The following CHIC1 variants were observed in gnomAD, a reference collection of about 807,000 sequenced individuals.
The protein encoded by CHIC1 is cysteine rich hydrophobic domain 1.
In CHIC1, 7 loss-of-function variants were observed where a neutral mutation model predicts 18.5. The ratio of observed to expected loss-of-function variants is 0.38; its 90% confidence interval spans 0.22 to 0.71. The LOEUF is 0.71. Among genes scored for constraint, CHIC1 ranks in the 30% least tolerant of loss-of-function variants. CHIC1 has a pLI of 0.49. For synonymous variants in CHIC1, 77 were observed against 73.5 expected, an observed-to-expected ratio of 1.05 and a Z score of -0.25; for missense variants, 159 against 176.9, an observed-to-expected ratio of 0.90 and a Z score of 0.57.
At chrX:73,600,043 C>T (rs2147564813) in intron 3 of CHIC1, among the ~76,000 whole-genome samples, 1 of 102,387 alleles carries the variant, frequency 9.8e-6, no homozygotes, top group Admixed American at 1.0e-4. Flanking sequence ...TGAAGAGGTC[C>T]TTCACATCCC....
In CHIC1 at chrX:73,650,701, CAAA is replaced by C. The variant is rs139432536; in HGVS notation, c.508-28609_508-28607del. 4.6e-4 allele frequency among the ~76,000 whole-genome samples: 30 copies of C among 64,768 alleles called. 1 individual carries two copies. The highest frequency in any genetic ancestry group is 2.6e-3 in the South Asian group (3 of 1,151). The allele number at this position is 64,768 out of a possible 115,157, so 56.2% of individuals were successfully genotyped here. ...AGGCAGTAATTAATAGCCTACCAACCAAAAAAAAAAAAAAAAAAGCCCAGAAGC... is the reference window on the plus strand; with the variant it reads ...AGGCAGTAATTAATAGCCTACCAACCAAAAAAAAAAAAAAAGCCCAGAAGC... On this transcript the variant is annotated intron_variant, in intron 3 of 5. Coordinates refer to ENST00000373502, the MANE Select transcript of CHIC1 (RefSeq NM_001039840.4).
intron 1 of CHIC1, among the ~76,000 whole-genome samples, chrX:73,570,813 GTA>G (rs1037030653): frequency 9.0e-6 from 1 of 110,975 alleles, no homozygotes; most frequent in African/African-American, 3.3e-5. Flanking sequence ...TTTGGAAGAA[GTA>G]TAGAGTCTAA....
intron 3 of CHIC1, among the ~76,000 whole-genome samples, chrX:73,673,731 A>G (rs1436433971): frequency 9.0e-6 from 1 of 111,516 alleles, no homozygotes; most frequent in Non-Finnish European, 1.9e-5. Context: ...CTAATTGAAT[A>G]CCCTTTATTT....
At chrX:73,655,494 G>GTA (rs201990322) in intron 3 of CHIC1, among the ~76,000 whole-genome samples, 7 of 54,229 alleles carry the variant, frequency 1.3e-4, no homozygotes, top group Admixed American at 2.0e-4. Context: ...ACAATATTGT[G>GTA]TATATATATA....
At chrX:73,673,808 G>T (rs1007867374) in intron 3 of CHIC1, among the ~76,000 whole-genome samples, 4 of 111,648 alleles carry the variant, frequency 3.6e-5, no homozygotes, top group African/African-American at 9.8e-5. Flanking sequence ...AGTGAGAGAG[G>T]GCATCCCTGT....
chrX:73,664,479 C>T (rs1025933720), intron 3 of CHIC1, among the ~76,000 whole-genome samples: 10 of 110,765 alleles, frequency 9.0e-5, no homozygotes, highest in Non-Finnish European at 1.7e-4. Flanking sequence ...GCTGCCTTTC[C>T]TCTGATTGCC....
At chrX:73,640,598 G>A (rs1230764981) in intron 3 of CHIC1, among the ~76,000 whole-genome samples, 1 of 111,578 alleles carries the variant, frequency 9.0e-6, no homozygotes, top group African/African-American at 3.3e-5. Context: ...AGTGTGTGTA[G>A]GAATTTGTCC....
At chrX:73,585,074 G>T (rs916116860) in intron 3 of CHIC1, among the ~76,000 whole-genome samples, 1 of 111,508 alleles carries the variant, frequency 9.0e-6, no homozygotes, top group Non-Finnish European at 1.9e-5. Context: ...TTTCACATTA[G>T]TTTTTGTAAA....
chrX:73,627,292 T>C (rs2057788232), intron 3 of CHIC1, among the ~76,000 whole-genome samples: 1 of 112,585 alleles, frequency 8.9e-6, no homozygotes, highest in Non-Finnish European at 1.9e-5. Context: ...GCCCAAGGCC[T>C]TCTGTAACCA....
intron 4 of CHIC1, 45 bp from the exon 5 acceptor site, chrX:73,679,609 G>C (rs771427603): frequency 3.5e-5 from 30 of 862,751 alleles, no homozygotes; most frequent in Non-Finnish European, 4.8e-5. Flanking sequence ...GTTGTAATTA[G>C]TTTAAGTTAA....
In CHIC1 at chrX:73,661,885, G is replaced by A. The variant is rs933282124; in HGVS notation, c.508-17441G>A. Among the ~76,000 whole-genome samples, 9 of 110,234 alleles carry A rather than the reference G, an allele frequency of 8.2e-5. No individual in the cohort carries two copies. In the South Asian group the frequency reaches 1.2e-3, roughly 14 times the overall value. On this transcript the variant is annotated intron_variant, in intron 3 of 5. Coordinates refer to ENST00000373502, the MANE Select transcript of CHIC1 (RefSeq NM_001039840.4). ...AGTCATTCGTAAACAGTGTTAAAGC[G>A]TTAGGTATGGGGGAGTGAAATATTT...
At chrX:73,625,558 C>T (rs965053195) in intron 3 of CHIC1, among the ~76,000 whole-genome samples, 1 of 111,282 alleles carries the variant, frequency 9.0e-6, no homozygotes, top group African/African-American at 3.3e-5. Context: ...TCAAGTTTTC[C>T]CCTTTAGGGA....
intron 3 of CHIC1, among the ~76,000 whole-genome samples, chrX:73,678,309 G>C (rs759130952): frequency 3.9e-4 from 44 of 112,585 alleles, no homozygotes; most frequent in African/African-American, 1.4e-3. Context: ...CCCCTAGATA[G>C]TGCATGTGGG....
At chrX:73,615,363 G>T (rs1003052590) in intron 3 of CHIC1, among the ~76,000 whole-genome samples, 1 of 111,727 alleles carries the variant, frequency 9.0e-6, no homozygotes, top group Non-Finnish European at 1.9e-5. Flanking sequence ...TTACAGTGGT[G>T]GGCCGGTTGG....
intron 1 of CHIC1, among the ~76,000 whole-genome samples, chrX:73,575,181 T>C (rs769228429): frequency 9.0e-6 from 1 of 110,605 alleles, no homozygotes; most frequent in East Asian, 2.8e-4. Context: ...TAATATAGGA[T>C]AAAATAAGGA....
intron 3 of CHIC1, among the ~76,000 whole-genome samples, chrX:73,671,799 T>C (rs1399512274): frequency 9.1e-6 from 1 of 110,391 alleles, no homozygotes; most frequent in African/African-American, 3.3e-5. Context: ...CTTTAAGTTT[T>C]ATGGTACATG....
chrX:73,668,436 G>A (rs1276286501), intron 3 of CHIC1, among the ~76,000 whole-genome samples: 1 of 111,893 alleles, frequency 8.9e-6, no homozygotes, highest in Non-Finnish European at 1.9e-5. Context: ...GAGGAACAGG[G>A]GCACTCTGGA....
chrX:73,571,997 G>C (rs1490950343), intron 1 of CHIC1, among the ~76,000 whole-genome samples: 1 of 110,009 alleles, frequency 9.1e-6, no homozygotes, highest in East Asian at 2.9e-4. Context: ...TACATGCGCA[G>C]TTTTATTACA....
intron 3 of CHIC1, among the ~76,000 whole-genome samples, chrX:73,626,183 C>T (rs1229552677): frequency 9.0e-6 from 1 of 111,699 alleles, no homozygotes; most frequent in Non-Finnish European, 1.9e-5. Flanking sequence ...GCCAGAGCTC[C>T]ATTGTATGTT....
Sources: allele counts gnomAD v4.1 joint callset (sites outside exome capture counted in the v4.1 genomes callset), GRCh38; gene constraint gnomAD v4.1.1; transcripts MANE v1.5; gene names NCBI Gene and HGNC (gene_info 2026-07-23, HGNC 2026-07-21).